KTN1: variants seen among roughly 807,000 people sequenced by gnomAD.
KTN1 encodes the protein kinectin 1, also known as kinectin.
KTN1 carries 130 observed loss-of-function variants against 222.5 expected under a neutral mutation model. That is an observed-to-expected ratio of 0.58 (90% CI 0.51 to 0.68). The LOEUF (loss-of-function observed/expected upper bound fraction) is 0.68. Among genes scored for constraint, KTN1 ranks in the 30% least tolerant of loss-of-function variants. KTN1 has a pLI of 0.00. For missense variants in KTN1, 1,508 were observed against 1,500.4 expected, an observed-to-expected ratio of 1.01 and a Z score of -0.08; for synonymous variants, 512 against 496.3, an observed-to-expected ratio of 1.03 and a Z score of -0.42.
In KTN1 at chr14:55,640,968, A is replaced by C. The variant is rs370975326; in HGVS notation, c.2019A>C (p.Gln673His). 1 of 1,609,144 alleles carries C rather than the reference A, an allele frequency of 6.2e-7. No individual in the cohort carries two copies. Among genetic ancestry groups the C allele is most frequent in the East Asian group, 2.2e-5 (1 of 44,776 alleles). The change falls in exon 16 of 44, where the codon CAA (glutamine) becomes CAC (histidine). Residue 673 changes from glutamine to histidine, a missense_variant and splice_region_variant. By Grantham distance (24) the Gln-to-His change is conservative. Transcript: ENST00000395314. Reference sequence around the variant, plus strand: ...CACATGAATTGGAGAAGATGCAACAAAGGTGACTAAAGTATTGTACATCTA... The same window carrying C: ...CACATGAATTGGAGAAGATGCAACACAGGTGACTAAAGTATTGTACATCTA... ...AAAHELEKMQ[Q>H]SVYVKDDKIR...
intron 30 of KTN1, among the ~76,000 whole-genome samples, chr14:55,659,008 C>T (rs1228749296): frequency 6.6e-6 from 1 of 152,028 alleles, no homozygotes; most frequent in Non-Finnish European, 1.5e-5. Flanking sequence ...CAATAGTCTA[C>T]TACTATTTAA....
chr14:55,622,584 A>T (rs1272021492), intron 5 of KTN1, among the ~76,000 whole-genome samples: 1 of 152,184 alleles, frequency 6.6e-6, no homozygotes, highest in African/African-American at 2.4e-5. Flanking sequence ...AACTGTCTTT[A>T]TTCTAAAAAC....
At chr14:55,595,973 T>G (rs1211866636) in intron 1 of KTN1, among the ~76,000 whole-genome samples, 1 of 151,842 alleles carries the variant, frequency 6.6e-6, no homozygotes, top group Non-Finnish European at 1.5e-5. Context: ...GCTAACATGG[T>G]GAAACCCCGT....
rs760376502 is a variant in KTN1, at chr14:55,637,840, C to T, written c.1778C>T (p.Ala593Val). 6.2e-7 allele frequency: 1 copy of T among 1,609,838 alleles called. No individual in the cohort carries two copies. The highest frequency in any genetic ancestry group is 8.5e-7 in the Non-Finnish European group (1 of 1,176,940). ...AQIQQFHSQI[A>V]AQTSASVLAE... The stretch of plus-strand genomic sequence containing the variant: ...ATTCAGCAGTTCCATTCCCAGATAG[C>T]AGCCCAGGTAATGATGCTTTCTTAT... Residue 593 changes from alanine to valine, a missense_variant, in exon 12 of 44, where the codon GCA becomes GTA. Physicochemically the swap from Ala to Val is moderately conservative, Grantham distance 64 (BLOSUM62 0). Coordinates refer to ENST00000395314, the MANE Select transcript of KTN1 (RefSeq NM_001079521.2).
intron 22 of KTN1, 75 bp from the exon 23 acceptor site, chr14:55,650,253 T>C (rs1450993262): frequency 1.1e-6 from 1 of 884,558 alleles, no homozygotes; most frequent in East Asian, 2.6e-5. Context: ...GCCATTTCAT[T>C]ATTTGGTGCT....
rs1304070713 is a variant in KTN1 at position 55,679,574 on chromosome 14, GAGA to G, written c.3961_3963del (p.Lys1321del). The G allele has an allele frequency of 3.7e-6, 6 of 1,609,752 alleles. No homozygotes were observed. Among genetic ancestry groups the G allele is most frequent in the Non-Finnish European group, 5.1e-6 (6 of 1,177,082 alleles). On this transcript the variant is annotated inframe_deletion, in exon 43 of 44. Transcript: ENST00000395314. The stretch of plus-strand genomic sequence containing the variant: ...TCCATCTTCTTTTTAGGAGTCTTCT[GAGA>G]AGGAGACAATGTCTGTAAGTCTAAA...
At chr14:55,662,826 A>C in intron 32 of KTN1, 1 of 455,558 alleles carries the variant, frequency 2.2e-6, no homozygotes, top group Non-Finnish European at 4.4e-6. Context: ...AGCATTGCTT[A>C]GCCACAAAAC....
At chr14:55,640,277 T>C in intron 14 of KTN1, 97 bp from the exon 15 acceptor site, 1 of 842,842 alleles carries the variant, frequency 1.2e-6, no homozygotes, top group Non-Finnish European at 1.9e-6. Flanking sequence ...ATTTTGTAAG[T>C]TGAGACATTT....
At chr14:55,606,360 C>G (rs1409784003) in intron 1 of KTN1, among the ~76,000 whole-genome samples, 1 of 151,648 alleles carries the variant, frequency 6.6e-6, no homozygotes, top group Non-Finnish European at 1.5e-5. Context: ...TCAAATGTGT[C>G]TGCTTGCTTA....
chr14:55,611,957 T>C (rs2037640296), intron 1 of KTN1, 62 bp from the exon 2 acceptor site: 2 of 770,168 alleles, frequency 2.6e-6, no homozygotes, highest in African/African-American at 1.8e-5. Flanking sequence ...GTTTTGACTT[T>C]AATTTTTATG....
Position 55,680,542 on chromosome 14 carries a change from C to G in KTN1, c.4069+857C>G, listed in dbSNP as rs1595351097. 7.8e-6 allele frequency: 4 copies of G among 510,128 alleles called. No homozygotes were observed. The East Asian group carries it at 2.3e-4, about 29-fold the overall frequency. The allele number at this position is 510,128 out of a possible 1,614,324, so 31.6% of individuals were successfully genotyped here. A position where few individuals can be genotyped will look rare whatever the true frequency, so the allele number is the denominator to read the frequency against. On this transcript the variant is annotated intron_variant, in intron 43 of 43. Coordinates refer to ENST00000395314, the MANE Select transcript of KTN1 (RefSeq NM_001079521.2). Reference sequence around the variant, plus strand: ...ATGATATCCTGGAGACCCTGAGGGGCAACTCATCACTGAATTATCCCTTTC... The same window carrying G: ...ATGATATCCTGGAGACCCTGAGGGGGAACTCATCACTGAATTATCCCTTTC...
intron 28 of KTN1, among the ~76,000 whole-genome samples, chr14:55,655,309 C>T (rs569178923): frequency 6.6e-6 from 1 of 152,278 alleles, no homozygotes; most frequent in East Asian, 1.9e-4. Flanking sequence ...TAGCAATATG[C>T]ATTTGAGTTT....
chr14:55,625,139 T>G (rs371868096), intron 5 of KTN1, among the ~76,000 whole-genome samples: 2 of 152,266 alleles, frequency 1.3e-5, no homozygotes, highest in East Asian at 1.9e-4. Context: ...ACTCTGCCAC[T>G]TGCAGCTTTG....
chr14:55,668,440 T>TG (rs887723290), intron 34 of KTN1: 80 of 152,238 alleles, frequency 5.3e-4, no homozygotes, highest in African/African-American at 1.9e-3. Context: ...TGCATCCCTG[T>TG]GGTGTTAGCA....
intron 1 of KTN1, among the ~76,000 whole-genome samples, chr14:55,584,813 C>T (rs2032600993): frequency 6.6e-6 from 1 of 152,022 alleles, no homozygotes; most frequent in Non-Finnish European, 1.5e-5. Flanking sequence ...CATAGCAGGT[C>T]CTCAATAAGA....
At chr14:55,682,738 A>G (rs1226364524) in intron 43 of KTN1, 1 of 152,232 alleles carries the variant, frequency 6.6e-6, no homozygotes, top group Non-Finnish European at 1.5e-5. Context: ...TGGGGTTTAA[A>G]TCAAGGTAAT....
intron 1 of KTN1, among the ~76,000 whole-genome samples, chr14:55,584,730 A>G (rs1434706874): frequency 6.6e-6 from 1 of 152,196 alleles, no homozygotes; most frequent in Non-Finnish European, 1.5e-5. Context: ...ACAGTATTAC[A>G]TAGCTTCTAT....
intron 34 of KTN1, among the ~76,000 whole-genome samples, chr14:55,670,071 C>CTGA (rs1422805998): frequency 6.6e-6 from 1 of 151,984 alleles, no homozygotes; most frequent in African/African-American, 2.4e-5. Flanking sequence ...AATGCCAAAA[C>CTGA]TGTAATACAT....
At chr14:55,659,081 A>G (rs2043820922) in intron 30 of KTN1, among the ~76,000 whole-genome samples, 1 of 152,170 alleles carries the variant, frequency 6.6e-6, no homozygotes, top group Non-Finnish European at 1.5e-5. Flanking sequence ...AAAAGATGCT[A>G]CCCAAAATAG....
Sources: gnomAD v4.1 joint callset for allele counts (sites outside exome capture counted in the v4.1 genomes callset) on GRCh38, gnomAD v4.1.1 for gene constraint, MANE v1.5 for transcripts, NCBI Gene and HGNC (gene_info 2026-07-23, HGNC 2026-07-21) for gene names.